The following DPP6 variants were observed in gnomAD, a reference collection of about 807,000 sequenced individuals.
The protein encoded by DPP6 is dipeptidyl peptidase like 6.
DPP6 carries 69 observed loss-of-function variants against 122.6 expected under a neutral mutation model. The ratio of observed to expected loss-of-function variants is 0.56; its 90% confidence interval spans 0.46 to 0.69. The LOEUF (loss-of-function observed/expected upper bound fraction) is 0.69. Among genes scored for constraint, DPP6 ranks in the 30% least tolerant of loss-of-function variants. The probability of loss-of-function intolerance (pLI) is 0.00; values close to 1 mark genes in which losing one functional copy is unlikely to be tolerated. For missense variants in DPP6, 928 were observed against 1,116.9 expected, an observed-to-expected ratio of 0.83 and a Z score of 2.41; for synonymous variants, 418 against 433.1, an observed-to-expected ratio of 0.97 and a Z score of 0.43.
chr7:154,441,010 G>A (rs866837716), intron 1 of DPP6, among the ~76,000 whole-genome samples: 46 of 152,252 alleles, frequency 3.0e-4, no homozygotes, highest in South Asian at 1.4e-3. Context: ...CTTTAGCTGC[G>A]TAAGGCCAGA....
At chr7:154,866,407 C>T (rs539156338) in intron 17 of DPP6, among the ~76,000 whole-genome samples, 7 of 152,322 alleles carry the variant, frequency 4.6e-5, no homozygotes, top group South Asian at 4.1e-4. Context: ...GTGAAGCTGG[C>T]GCAGGGGCAT....
intron 4 of DPP6, among the ~76,000 whole-genome samples, chr7:154,554,160 G>A (rs1326474517): frequency 6.6e-6 from 1 of 152,112 alleles, no homozygotes; most frequent in Non-Finnish European, 1.5e-5. Context: ...CCAGAGGCAG[G>A]CTGTGGCCAC....
chr7:154,239,381 C>T (rs114628422), intron 1 of DPP6, among the ~76,000 whole-genome samples: 1,868 of 152,298 alleles, frequency 0.012, 38 homozygotes, highest in African/African-American at 0.042. Context: ...TCTGCCACCC[C>T]TGAAACAGCA....
At chr7:153,870,798 TTGA>T in the DPP6 span, among the ~76,000 whole-genome samples, 3 of 152,218 alleles carry the variant, frequency 2.0e-5, no homozygotes, top group Non-Finnish European at 4.4e-5. Context: ...CCTTTAGTCT[TTGA>T]TGATGGTGAC....
intron 5 of DPP6, among the ~76,000 whole-genome samples, chr7:154,628,555 G>C (rs113277079): frequency 2.6e-5 from 4 of 152,176 alleles, no homozygotes; most frequent in Non-Finnish European, 4.4e-5. Context: ...TAAGGGAGAA[G>C]GTTTTAGACA....
At chr7:154,633,302 C>A (rs1835520839) in intron 5 of DPP6, among the ~76,000 whole-genome samples, 1 of 152,006 alleles carries the variant, frequency 6.6e-6, no homozygotes, top group Non-Finnish European at 1.5e-5. Context: ...AAGGGCATGA[C>A]CTCAGTTCAC....
chr7:154,213,220 C>T (rs577329148), intron 1 of DPP6, among the ~76,000 whole-genome samples: 1 of 152,274 alleles, frequency 6.6e-6, no homozygotes, highest in Admixed American at 6.5e-5. Flanking sequence ...CCACCGTGGT[C>T]AGGGTCAGGG....
intron 1 of DPP6, among the ~76,000 whole-genome samples, chr7:153,921,157 G>C (rs1800620451): frequency 6.6e-6 from 1 of 152,218 alleles, no homozygotes; most frequent in South Asian, 2.1e-4. Context: ...TGTTAGATCA[G>C]CATGTATTTT....
intron 16 of DPP6, chr7:154,838,581 C>A (rs1801267831): frequency 6.6e-6 from 1 of 152,196 alleles, no homozygotes; most frequent in Admixed American, 6.5e-5. Context: ...TGCAAGATGC[C>A]CAGGACCGCA....
At chr7:154,059,516 A>T (rs1361422886) in intron 1 of DPP6, 1 of 150,986 alleles carries the variant, frequency 6.6e-6, no homozygotes, top group Non-Finnish European at 1.5e-5. Flanking sequence ...ACCGGAGCTT[A>T]AGGGCAGAAG....
intron 1 of DPP6, among the ~76,000 whole-genome samples, chr7:153,902,347 G>C (rs1799672171): frequency 6.6e-6 from 1 of 152,202 alleles, no homozygotes; most frequent in Admixed American, 6.5e-5. Context: ...ATGATAGAAG[G>C]TAGTTTTGCA....
At chr7:153,955,680 C>T (rs1452023876) in intron 1 of DPP6, among the ~76,000 whole-genome samples, 1 of 152,140 alleles carries the variant, frequency 6.6e-6, no homozygotes, top group Non-Finnish European at 1.5e-5. Context: ...CTCAGGCGAT[C>T]CACCCACCTC....
At chr7:154,178,709 A>G (rs1476188896) in intron 1 of DPP6, among the ~76,000 whole-genome samples, 1 of 152,184 alleles carries the variant, frequency 6.6e-6, no homozygotes, top group South Asian at 2.1e-4. Context: ...TCATTTGAAA[A>G]CATCCCTGCT....
At chr7:153,912,033 T>C (rs905007330) in intron 1 of DPP6, among the ~76,000 whole-genome samples, 1 of 152,146 alleles carries the variant, frequency 6.6e-6, no homozygotes, top group South Asian at 2.1e-4. Context: ...CTAACACAAA[T>C]TGTCTTTATT....
intron 7 of DPP6, among the ~76,000 whole-genome samples, chr7:154,710,011 C>A (rs1586933165): frequency 6.6e-6 from 1 of 152,206 alleles, no homozygotes; most frequent in East Asian, 1.9e-4. Context: ...GGATCTGGGG[C>A]AGCAACGGTC....
At position 154,877,295 on chromosome 7, in the gene DPP6, C is replaced by G. The variant is rs10274105; in HGVS notation, c.2078+1195C>G. Reference sequence around the variant, plus strand: ...ATTGCTTCAGAAACCCGTGTTGCAGCTGGGAAATACGGAGCGGGAGAGCTC... The same window carrying G: ...ATTGCTTCAGAAACCCGTGTTGCAGGTGGGAAATACGGAGCGGGAGAGCTC... On this transcript the variant is annotated intron_variant, in intron 20 of 25. Coordinates refer to ENST00000377770, the MANE Select transcript of DPP6 (RefSeq NM_130797.4). The surrounding 1 kb of genome is among the most constrained non-coding windows in gnomAD (Gnocchi z 5.2). Among the ~76,000 whole-genome samples the G allele has an allele frequency of 0.91, 138,304 of 152,098 alleles. 63,054 individuals are homozygous for G. The highest frequency in any genetic ancestry group is 1 in the East Asian group (5,158 of 5,162).
chr7:154,286,848 C>T (rs117844665), intron 1 of DPP6, among the ~76,000 whole-genome samples: 2 of 151,496 alleles, frequency 1.3e-5, no homozygotes, highest in Non-Finnish European at 2.9e-5. Context: ...CTCTGTCACC[C>T]AGGCTGAAGT....
chr7:154,632,932 T>C (rs1006830464), intron 5 of DPP6, among the ~76,000 whole-genome samples: 1 of 152,226 alleles, frequency 6.6e-6, no homozygotes, highest in South Asian at 2.1e-4. Context: ...AACTGCTTTC[T>C]AAAAAATTAT....
At chr7:153,853,702 T>C in the DPP6 span, among the ~76,000 whole-genome samples, 2 of 152,326 alleles carry the variant, frequency 1.3e-5, no homozygotes, top group Admixed American at 6.5e-5. Context: ...TCAGTGGACA[T>C]GGCAGAATCA....
Sources: allele counts gnomAD v4.1 joint callset (sites outside exome capture counted in the v4.1 genomes callset), GRCh38; gene constraint gnomAD v4.1.1; non-coding constraint Gnocchi (gnomAD v3.1); transcripts MANE v1.5; gene names NCBI Gene and HGNC (gene_info 2026-07-23, HGNC 2026-07-21).